Variants in LIPA observed in about 807,000 individuals in gnomAD.
The protein encoded by LIPA is lipase A, lysosomal acid type.
A neutral mutation model predicts 40.6 loss-of-function variants in LIPA; 26 were observed. That is an observed-to-expected ratio of 0.64 (90% CI 0.47 to 0.89). The LOEUF is 0.89. LIPA is among the 40% of genes least tolerant of loss of function. The probability of loss-of-function intolerance (pLI) is 0.00; values close to 1 mark genes in which losing one functional copy is unlikely to be tolerated. For missense variants in LIPA, 455 were observed against 479.6 expected (o/e 0.95, Z 0.48); for synonymous variants, 188 against 168.4 (o/e 1.12, Z -0.90).
intron 1 of LIPA, chr10:89,307,373 T>A (rs1454680364): frequency 6.3e-7 from 1 of 1,594,990 alleles, no homozygotes; most frequent in East Asian, 2.2e-5. Flanking sequence ...GAATGGGGAA[T>A]GAAGAATAGA....
At chr10:89,243,183 A>G (rs1842983649) in intron 3 of LIPA, among the ~76,000 whole-genome samples, 1 of 152,256 alleles carries the variant, frequency 6.6e-6, no homozygotes, top group African/African-American at 2.4e-5. Context: ...AAATAACACC[A>G]GTGGCAACAA....
At chr10:89,252,595 G>A (rs1843143463), upstream of LIPA, among the ~76,000 whole-genome samples, 1 of 152,192 alleles carries the variant, frequency 6.6e-6, no homozygotes, top group African/African-American at 2.4e-5. Flanking sequence ...ATCACCTGAG[G>A]ACAGGAGTTC....
chr10:89,395,822 A>G (rs995258812), intron 2 of LIPA, among the ~76,000 whole-genome samples: 9 of 104,284 alleles, frequency 8.6e-5, no homozygotes, highest in Non-Finnish European at 2.0e-4. Context: ...AAAATTAGGA[A>G]AAAAAAAAAT....
At chr10:89,389,779 T>C (rs1844232508) in intron 2 of LIPA, among the ~76,000 whole-genome samples, 1 of 152,176 alleles carries the variant, frequency 6.6e-6, no homozygotes, top group South Asian at 2.1e-4. Flanking sequence ...TTACCCATTG[T>C]GTAGGTGAGG....
chr10:89,382,272 G>A (rs10887950), intron 2 of LIPA, among the ~76,000 whole-genome samples: 38,240 of 152,028 alleles, frequency 0.25, 5,029 homozygotes, highest in Middle Eastern at 0.29. Flanking sequence ...TGGGCCTAAC[G>A]GATAGAAAAC....
rs183922314 is a variant in LIPA at position 89,365,939 on chromosome 10, T to A, written c.61+46852A>T. On this transcript the variant is annotated intron_variant, in intron 2 of 8. Transcript: ENST00000371837. The stretch of plus-strand genomic sequence containing the variant: ...GGATTGTCTTGGCAATGCGGGCTCT[T>A]TTTTGGTTCCATATGAACTTTAAAG... 3.2e-3 allele frequency among the ~76,000 whole-genome samples: 481 copies of A among 152,278 alleles called. 4 individuals carry two copies. Among genetic ancestry groups the A allele is most frequent in the African/African-American group, 0.011 (465 of 41,582 alleles).
chr10:89,344,200 T>G (rs957542310), upstream of LIPA, among the ~76,000 whole-genome samples: 3 of 152,196 alleles, frequency 2.0e-5, no homozygotes, highest in Admixed American at 6.5e-5. Flanking sequence ...CTATATAATC[T>G]GCAAAACATA....
At chr10:89,291,251 C>T (rs1310069156) in intron 1 of LIPA, among the ~76,000 whole-genome samples, 1 of 151,976 alleles carries the variant, frequency 6.6e-6, no homozygotes, top group Non-Finnish European at 1.5e-5. Flanking sequence ...TCCCCTTCCT[C>T]CCTGCCTTCC....
At position 89,384,596 on chromosome 10, in the gene LIPA, G is replaced by T. The variant is rs758624565; in HGVS notation, c.61+28195C>A. 42 of 1,614,184 alleles carry T rather than the reference G, an allele frequency of 2.6e-5. No individual in the cohort carries two copies. Among genetic ancestry groups the T allele is most frequent in the Non-Finnish European group, 3.3e-5 (39 of 1,180,016 alleles). On this transcript the variant is annotated intron_variant, in intron 2 of 8. Coordinates refer to the LIPA transcript ENST00000371837. ...AATGCTTTAGAGAAATTGGCTAAAA[G>T]ATGTATTCACCAGAATGTACGGGTT... is the stretch of plus-strand genomic sequence containing the variant.
In LIPA at chr10:89,376,581, T is replaced by C. The variant is rs527754830; in HGVS notation, c.61+36210A>G. Among the ~76,000 whole-genome samples the C allele has an allele frequency of 1.5e-4, 23 of 152,336 alleles. No individual in the cohort carries two copies. The South Asian group carries it at 4.6e-3, about 30-fold the overall frequency. ...CATCTGAGAGCATCATTAACACCTG[T>C]GACCATGATGGGTCAAGACAAAATA... On this transcript the variant is annotated intron_variant, in intron 2 of 8. Transcript: ENST00000371837.
upstream of LIPA, among the ~76,000 whole-genome samples, chr10:89,342,896 C>A (rs926105388): frequency 6.6e-6 from 1 of 152,176 alleles, no homozygotes; most frequent in Admixed American, 6.5e-5. Context: ...TTATGATGTT[C>A]TTTTGTTTTC....
Position 89,289,997 on chromosome 10 carries a change from A to AG in LIPA, c.-1-42349dup, listed in dbSNP as rs748592173. On this transcript the variant is annotated intron_variant, in intron 1 of 5. Coordinates refer to the LIPA transcript ENST00000282673. Reference sequence around the variant, plus strand: ...TTGACTTACTCACTGCTAAAAAAAAAGGGTGGGGGGGACTCTGTATATTTT... The same window carrying AG: ...TTGACTTACTCACTGCTAAAAAAAAAGGGGTGGGGGGGACTCTGTATATTTT... Among the ~76,000 whole-genome samples the AG allele has an allele frequency of 9.4e-3, 1,126 of 119,590 alleles. 26 individuals carry two copies. The highest frequency in any genetic ancestry group is 0.029 in the African/African-American group (911 of 31,354). The allele number at this position is 119,590 out of a possible 152,430, so 78.5% of individuals were successfully genotyped here.
chr10:89,247,417 A>T, intron 2 of LIPA, 121 bp downstream of exon 2: 14 of 583,732 alleles, frequency 2.4e-5, no homozygotes, highest in East Asian at 3.4e-5. Context: ...AAAAATTCAG[A>T]GAAATTGAAA....
chr10:89,285,573 C>T (rs185642995), intron 1 of LIPA, among the ~76,000 whole-genome samples: 53 of 152,250 alleles, frequency 3.5e-4, no homozygotes, highest in African/African-American at 1.2e-3. Context: ...ACCCACATTC[C>T]CTTAGTGGCA....
chr10:89,405,312 C>T (rs1387820639), intron 2 of LIPA: 1 of 152,096 alleles, frequency 6.6e-6, no homozygotes, highest in Non-Finnish European at 1.5e-5. Context: ...AATCAGAGAT[C>T]ATGGGTAACA....
At position 89,271,792 on chromosome 10, in the gene LIPA, T is replaced by A. The variant is rs184280674; in HGVS notation, c.-1-24143A>T. 1.7e-3 allele frequency among the ~76,000 whole-genome samples: 258 copies of A among 152,184 alleles called. 1 individual carries two copies. The highest frequency in any genetic ancestry group is 6.1e-3 in the African/African-American group (253 of 41,500). ...GAAGGAAGTCATAGGCTGGGCTCAGTGGCTTACGCTTGTAATCCCAACAGT... is the reference window on the plus strand; with the variant it reads ...GAAGGAAGTCATAGGCTGGGCTCAGAGGCTTACGCTTGTAATCCCAACAGT... On this transcript the variant is annotated intron_variant, in intron 1 of 5. Transcript: ENST00000282673.
At chr10:89,324,615 T>C (rs1438568594) in intron 1 of LIPA, among the ~76,000 whole-genome samples, 1 of 152,114 alleles carries the variant, frequency 6.6e-6, no homozygotes, top group African/African-American at 2.4e-5. Flanking sequence ...CTGCAAACTA[T>C]GCATAACCAA....
chr10:89,351,175 G>A (rs1843956474), intron 2 of LIPA, among the ~76,000 whole-genome samples: 1 of 152,150 alleles, frequency 6.6e-6, no homozygotes, highest in Admixed American at 6.5e-5. Context: ...AATTAGCGAG[G>A]TGTGGTGGCA....
intron 1 of LIPA, among the ~76,000 whole-genome samples, chr10:89,265,124 G>A (rs528569124): frequency 6.6e-6 from 1 of 152,124 alleles, no homozygotes; most frequent in East Asian, 1.9e-4. Flanking sequence ...CTTTGTTCTG[G>A]AGTGGGTGCC....
Sources: allele counts gnomAD v4.1 joint callset (sites outside exome capture counted in the v4.1 genomes callset), GRCh38; gene constraint gnomAD v4.1.1; transcripts MANE v1.5; gene names NCBI Gene and HGNC (gene_info 2026-07-23, HGNC 2026-07-21).